ADAM12: variants seen among roughly 807,000 people sequenced by gnomAD.
ADAM12 encodes disintegrin and metalloproteinase domain-containing protein 12.
Under a neutral mutation model 106.4 loss-of-function variants are expected in ADAM12, and 70 were observed. The ratio of observed to expected loss-of-function variants is 0.66; its 90% CI spans 0.54 to 0.80. The LOEUF (loss-of-function observed/expected upper bound fraction) is 0.80. ADAM12 is among the 30% of genes least tolerant of loss of function. The probability of loss-of-function intolerance (pLI) is 0.00; values close to 1 mark genes in which losing one functional copy is unlikely to be tolerated. For synonymous variants in ADAM12, 420 were observed against 433.5 expected (o/e 0.97, Z 0.39); for missense variants, 1,010 against 1,171.9 (o/e 0.86, Z 2.02).
intron 4 of ADAM12, among the ~76,000 whole-genome samples, chr10:126,154,570 C>A (rs1956780681): frequency 6.6e-6 from 1 of 152,174 alleles, no homozygotes; most frequent in African/African-American, 2.4e-5. Flanking sequence ...CTCTTTAAAA[C>A]AAGTAACCTT....
Position 126,388,210 on chromosome 10 carries a change from G to A in ADAM12, c.-65C>T. The A allele has an allele frequency of 8.4e-7, 1 of 1,195,794 alleles. No individual in the cohort carries two copies. The highest frequency in any genetic ancestry group is 1.0e-6 in the Non-Finnish European group (1 of 964,560). The allele number at this position is 1,195,794 out of a possible 1,614,324, so 74.1% of individuals were successfully genotyped here. ...GCGAGCGCTGCACCATCCCACGCGG[G>A]CGCCGAGCCGGGGCCGGGCGTCGCG... is the stretch of plus-strand genomic sequence containing the variant. On this transcript the variant is annotated 5_prime_UTR_variant, in exon 1 of 23. Coordinates refer to ENST00000448723, the MANE Select transcript of ADAM12 (RefSeq NM_001288973.2). The surrounding 1 kb of genome is among the most constrained non-coding windows in gnomAD (Gnocchi z 4.4).
At chr10:126,337,520 C>A (rs1590798038) in intron 1 of ADAM12, among the ~76,000 whole-genome samples, 1 of 152,220 alleles carries the variant, frequency 6.6e-6, no homozygotes, top group African/African-American at 2.4e-5. Flanking sequence ...GATCATCCCA[C>A]CTTCCTCCAC....
chr10:126,264,399 C>A (rs1412520755), intron 3 of ADAM12, among the ~76,000 whole-genome samples: 1 of 152,200 alleles, frequency 6.6e-6, no homozygotes, highest in East Asian at 1.9e-4. Context: ...CCCCAGATAA[C>A]CCTCCTGTGG....
At chr10:126,017,600 A>G (rs542252709) in intron 22 of ADAM12, among the ~76,000 whole-genome samples, 1 of 152,316 alleles carries the variant, frequency 6.6e-6, no homozygotes, top group Non-Finnish European at 1.5e-5. Context: ...CCACATGAAA[A>G]AAGTAAAGAG....
chr10:126,069,395 T>A (rs1486248249), intron 12 of ADAM12, among the ~76,000 whole-genome samples: 1 of 152,230 alleles, frequency 6.6e-6, no homozygotes, highest in Non-Finnish European at 1.5e-5. Flanking sequence ...CAAGAAGTTA[T>A]CCTACAAAAT....
chr10:126,036,436 G>A (rs576159220), intron 20 of ADAM12, 111 bp from the exon 21 acceptor site: 50 of 1,050,366 alleles, frequency 4.8e-5, no homozygotes, highest in South Asian at 3.4e-4. Flanking sequence ...CCAAGGTGGG[G>A]TAAAGGAAAG....
At chr10:126,254,707 C>G (rs764598154) in intron 3 of ADAM12, among the ~76,000 whole-genome samples, 6 of 152,140 alleles carry the variant, frequency 3.9e-5, no homozygotes, top group Non-Finnish European at 5.9e-5. Flanking sequence ...GGCCACTGAC[C>G]GCTCTGCTCA....
intron 3 of ADAM12, among the ~76,000 whole-genome samples, chr10:126,268,627 AG>A (rs760534307): frequency 7.9e-5 from 12 of 152,232 alleles, no homozygotes; most frequent in Non-Finnish European, 1.5e-4. Flanking sequence ...GAAACCAGTA[AG>A]AAGGCCTCAA....
Position 126,032,570 on chromosome 10 carries a change from G to A in ADAM12, c.2529+3576C>T, listed in dbSNP as rs146424105. ...ACCAGCAGTAGGAATACCTTCCTCT[G>A]ATAACATGGTCTGTTAGCCCCAGTT... On this transcript the variant is annotated intron_variant, in intron 21 of 22. Coordinates refer to ENST00000448723, the MANE Select transcript of ADAM12 (RefSeq NM_001288973.2). Among the ~76,000 whole-genome samples, 721 of 152,272 alleles carry A rather than the reference G, an allele frequency of 4.7e-3. 11 individuals are homozygous for A. Among genetic ancestry groups the A allele is most frequent in the African/African-American group, 0.016 (664 of 41,558 alleles).
chr10:126,326,400 G>A (rs1455039199), intron 2 of ADAM12, among the ~76,000 whole-genome samples: 2 of 152,054 alleles, frequency 1.3e-5, no homozygotes, highest in African/African-American at 4.8e-5. Context: ...TTTCTCTTTG[G>A]GGGTGTATAT....
At chr10:126,362,843 A>G (rs1855786408) in intron 1 of ADAM12, among the ~76,000 whole-genome samples, 1 of 152,174 alleles carries the variant, frequency 6.6e-6, no homozygotes, top group South Asian at 2.1e-4. Context: ...CAGGAGGAAT[A>G]AGGTTTTTTG....
At chr10:126,330,557 G>A (rs759276137) in intron 1 of ADAM12, 48 bp from the exon 2 acceptor site, 14 of 1,524,700 alleles carry the variant, frequency 9.2e-6, no homozygotes, top group Middle Eastern at 1.7e-4. Context: ...GTCAGGAAGA[G>A]TTTGGCATCA....
chr10:126,143,528 T>C (rs939216245), intron 4 of ADAM12, among the ~76,000 whole-genome samples: 8 of 151,812 alleles, frequency 5.3e-5, no homozygotes, highest in African/African-American at 1.9e-4. Context: ...TGTGTGTATA[T>C]GTACATGTGT....
rs761863540 is a variant in ADAM12, at chr10:126,039,276, A to G, written c.2240+18T>C. 1 of 1,613,020 alleles carries G rather than the reference A, an allele frequency of 6.2e-7. No individual in the cohort carries two copies. Among genetic ancestry groups the G allele is most frequent in the Non-Finnish European group, 8.5e-7 (1 of 1,179,418 alleles). ...AGCCACCATTTCTAGAACAGATGAC[A>G]AGCTAAACCCAGGGTACCTTAGTTT... On this transcript the variant is annotated intron_variant, in intron 19 of 22. Coordinates refer to ENST00000448723, the MANE Select transcript of ADAM12 (RefSeq NM_001288973.2).
chr10:126,050,542 C>T (rs539057446), intron 14 of ADAM12, among the ~76,000 whole-genome samples: 8 of 152,334 alleles, frequency 5.3e-5, no homozygotes, highest in South Asian at 4.2e-4. Flanking sequence ...TATCTCACAT[C>T]GCTTCTGATG....
In ADAM12 at chr10:126,347,003, G is replaced by A. The variant is rs555000349; in HGVS notation, c.89-16494C>T. ...TTTGCCAGTTTGTGTCTTTTAATTG[G>A]AGCAGTTAGCCCATTTACACTTAAG... On this transcript the variant is annotated intron_variant, in intron 1 of 22. Coordinates refer to ENST00000448723, the MANE Select transcript of ADAM12 (RefSeq NM_001288973.2). Among the ~76,000 whole-genome samples, 256 of 152,238 alleles carry A rather than the reference G, an allele frequency of 1.7e-3. 7 individuals are homozygous for A. Among genetic ancestry groups the A allele is most frequent in the South Asian group, 9.1e-3 (44 of 4,820 alleles).
At position 126,071,526 on chromosome 10, in the gene ADAM12, C is replaced by G; in HGVS notation, c.1274G>C (p.Gly425Ala). 1.9e-6 allele frequency: 3 copies of G among 1,614,160 alleles called. No homozygotes were observed. The highest frequency in any genetic ancestry group is 2.5e-6 in the Non-Finnish European group (3 of 1,180,032). ...CTCTCCTTCTTCCACAAATCTGTTC[C>G]CACACTTCTGGCCCCCGAAAGACTC... ...VRESFGGQKC[G>A]NRFVEEGEEC... Residue 425 changes from glycine to alanine, a missense_variant, in exon 12 of 23, where the codon GGG becomes GCG. Transcript: ENST00000448723.
intron 1 of ADAM12, among the ~76,000 whole-genome samples, chr10:126,383,587 A>G (rs923676409): frequency 2.0e-5 from 3 of 152,302 alleles, no homozygotes; most frequent in African/African-American, 4.8e-5. Context: ...GTGACAACGA[A>G]AAAAGATAAT....
intron 2 of ADAM12, among the ~76,000 whole-genome samples, chr10:126,312,142 A>AC (rs1268075757): frequency 1.3e-5 from 2 of 151,780 alleles, no homozygotes; most frequent in African/African-American, 4.8e-5. Flanking sequence ...AAAAAAAAAA[A>AC]AAAAAAAAAA....
Sources: gnomAD v4.1 joint callset for allele counts (sites outside exome capture counted in the v4.1 genomes callset) on GRCh38, gnomAD v4.1.1 for gene constraint, Gnocchi (gnomAD v3.1) non-coding constraint, MANE v1.5 for transcripts, NCBI Gene and HGNC (gene_info 2026-07-23, HGNC 2026-07-21) for gene names.